PPFIBP1: variants seen among roughly 807,000 people sequenced by gnomAD.
PPFIBP1 encodes PPFIB scaffold protein 1.
In PPFIBP1, 112 loss-of-function variants were observed where a neutral mutation model predicts 137.8. That is an observed-to-expected ratio of 0.81 (90% CI 0.70 to 0.95). The LOEUF (loss-of-function observed/expected upper bound fraction) is 0.95. Ranked by LOEUF, PPFIBP1 falls within the 40% of genes least tolerant of loss-of-function variation. The probability of loss-of-function intolerance (pLI) is 0.00; values close to 1 mark genes in which losing one functional copy is unlikely to be tolerated. For missense variants in PPFIBP1, 1,083 were observed against 1,196.6 expected (o/e 0.91, Z 1.40); for synonymous variants, 378 against 417.3 (o/e 0.91, Z 1.15).
At chr12:27,631,063 G>A (rs1342534300) in intron 2 of PPFIBP1, among the ~76,000 whole-genome samples, 1 of 151,980 alleles carries the variant, frequency 6.6e-6, no homozygotes, top group African/African-American at 2.4e-5. Context: ...AAAAGTAAAG[G>A]TTCTATGAAT....
At chr12:27,656,594 T>G in intron 8 of PPFIBP1, 22 bp from the exon 9 acceptor site, 1 of 1,442,276 alleles carries the variant, frequency 6.9e-7, no homozygotes, top group African/African-American at 1.4e-5. Context: ...CTGCTATTTT[T>G]AAATGAATTT....
At chr12:27,688,490 T>C (rs529834476) in intron 26 of PPFIBP1, 67 bp downstream of exon 26, 51 of 1,563,706 alleles carry the variant, frequency 3.3e-5, no homozygotes, top group Non-Finnish European at 4.1e-5. Context: ...TAGGATATTA[T>C]CAATTTTTGC....
At position 27,640,123 on chromosome 12, in the gene PPFIBP1, GA is replaced by G. The variant is rs1423576944; in HGVS notation, c.270+5011del. Among the ~76,000 whole-genome samples the G allele has an allele frequency of 9.2e-5, 14 of 152,292 alleles. No individual in the cohort carries two copies. In the East Asian group the frequency reaches 2.3e-3, roughly 25 times the overall value. ...CTTAGTCTTCAAGTAAACTCCCACA[GA>G]AAGTGTTCACAGACACAGAAAAACA... is the stretch of plus-strand genomic sequence containing the variant. On this transcript the variant is annotated intron_variant, in intron 4 of 29. Transcript: ENST00000228425.
chr12:27,565,995 A>C (rs958820395), intron 1 of PPFIBP1, among the ~76,000 whole-genome samples: 5 of 122,500 alleles, frequency 4.1e-5, no homozygotes, highest in Non-Finnish European at 9.1e-5. Flanking sequence ...TGCCCATCTC[A>C]TGTGACAGCC....
intron 2 of PPFIBP1, among the ~76,000 whole-genome samples, chr12:27,628,867 C>G (rs1376090473): frequency 2.6e-5 from 4 of 152,168 alleles, no homozygotes; most frequent in African/African-American, 9.7e-5. Context: ...CATTATCAAA[C>G]AAGTTACCAC....
In PPFIBP1 at chr12:27,676,475, GC is replaced by G. The variant is rs1281832120; in HGVS notation, c.1463del (p.Pro488GlnfsTer40). On this transcript the variant is annotated frameshift_variant, in exon 18 of 30. Transcript: ENST00000228425. LOFTEE classifies it high-confidence loss of function. ...GGCCATTTGGGACCCTTCCTCCCAGGCCCCCAGGGCAGGACACCTCCATGGA... is the reference window on the plus strand; with the variant it reads ...GGCCATTTGGGACCCTTCCTCCCAGGCCCCAGGGCAGGACACCTCCATGGA... ...SRPFGTLPPRPPGQDTSMDDN... is the reference protein window; with the variant it reads ...SRPFGTLPPRXPGQDTSMDDN... The G allele has an allele frequency of 6.3e-7, 1 of 1,582,592 alleles. No individual in the cohort carries two copies. Among genetic ancestry groups the G allele is most frequent in the Non-Finnish European group, 8.6e-7 (1 of 1,163,414 alleles).
At chr12:27,644,605 A>T (rs1346171981) in intron 4 of PPFIBP1, among the ~76,000 whole-genome samples, 1 of 152,084 alleles carries the variant, frequency 6.6e-6, no homozygotes, top group African/African-American at 2.4e-5. Flanking sequence ...TGCCCTTGAG[A>T]AGTTGTGCAC....
intron 4 of PPFIBP1, among the ~76,000 whole-genome samples, chr12:27,641,380 G>A (rs530487322): frequency 6.6e-6 from 1 of 152,264 alleles, no homozygotes; most frequent in East Asian, 1.9e-4. Flanking sequence ...GTAGACCAAT[G>A]CAAACCAATA....
chr12:27,524,796 TG>T (rs1943537277), intron 1 of PPFIBP1, among the ~76,000 whole-genome samples: 1 of 152,200 alleles, frequency 6.6e-6, no homozygotes, highest in South Asian at 2.1e-4. Flanking sequence ...TTTGTCTCCT[TG>T]TGGCCTATTA....
intron 2 of PPFIBP1, among the ~76,000 whole-genome samples, chr12:27,617,392 C>T (rs1341045358): frequency 6.6e-6 from 1 of 152,166 alleles, no homozygotes; most frequent in Non-Finnish European, 1.5e-5. Context: ...GAAGCAAATA[C>T]AGAATTGGAG....
At chr12:27,535,337 A>G (rs1277943582) in intron 1 of PPFIBP1, among the ~76,000 whole-genome samples, 1 of 152,178 alleles carries the variant, frequency 6.6e-6, no homozygotes, top group African/African-American at 2.4e-5. Flanking sequence ...AAAACTAAGC[A>G]GTGAAGTTTT....
intron 7 of PPFIBP1, among the ~76,000 whole-genome samples, chr12:27,653,081 G>T (rs1178310367): frequency 3.6e-5 from 1 of 27,604 alleles, no homozygotes; most frequent in African/African-American, 1.4e-4. Flanking sequence ...AAAAGCCTAA[G>T]GGTTTACTGG....
At chr12:27,612,454 G>A (rs1362435233) in intron 2 of PPFIBP1, among the ~76,000 whole-genome samples, 1 of 150,798 alleles carries the variant, frequency 6.6e-6, no homozygotes, top group Non-Finnish European at 1.5e-5. Flanking sequence ...CAAGTAGCTG[G>A]GATCACTTGA....
chr12:27,600,864 T>C (rs144674499), intron 2 of PPFIBP1, among the ~76,000 whole-genome samples: 1 of 152,312 alleles, frequency 6.6e-6, no homozygotes, highest in East Asian at 1.9e-4. Context: ...GACATGTTTG[T>C]TTATGGGGTA....
At chr12:27,668,277 G>A (rs2059983096) in intron 13 of PPFIBP1, among the ~76,000 whole-genome samples, 1 of 152,118 alleles carries the variant, frequency 6.6e-6, no homozygotes, top group Admixed American at 6.5e-5. Context: ...GCTTCTTGAG[G>A]ACTCTTTCAT....
At chr12:27,655,154 C>G in intron 8 of PPFIBP1, 1 of 1,534,566 alleles carries the variant, frequency 6.5e-7, no homozygotes, top group Non-Finnish European at 8.7e-7. Flanking sequence ...CTTTAATGGC[C>G]AAACTTTCTA....
chr12:27,628,405 C>T (rs1191010618), intron 2 of PPFIBP1, among the ~76,000 whole-genome samples: 1 of 152,158 alleles, frequency 6.6e-6, no homozygotes, highest in Non-Finnish European at 1.5e-5. Context: ...TCTCAAACTC[C>T]TGGGCTCTAG....
chr12:27,563,869 CTTTT>C (rs570467910), intron 1 of PPFIBP1, among the ~76,000 whole-genome samples: 2 of 142,966 alleles, frequency 1.4e-5, no homozygotes, highest in African/African-American at 2.6e-5. Flanking sequence ...AAACACTTCC[CTTTT>C]TTTTTTTTTT....
At chr12:27,644,927 C>T (rs199717062) in intron 4 of PPFIBP1, among the ~76,000 whole-genome samples, 9 of 125,370 alleles carry the variant, frequency 7.2e-5, no homozygotes, top group African/African-American at 8.9e-5. Context: ...TTTTTTTCTT[C>T]CCCCTTCCCA....
Sources: gnomAD v4.1 joint callset for allele counts (sites outside exome capture counted in the v4.1 genomes callset) on GRCh38, gnomAD v4.1.1 for gene constraint, MANE v1.5 for transcripts, NCBI Gene and HGNC (gene_info 2026-07-23, HGNC 2026-07-21) for gene names.